The following PTPRU variants were observed in gnomAD, a reference collection of about 807,000 sequenced individuals.
PTPRU encodes protein tyrosine phosphatase receptor type U.
Under a neutral mutation model 166.3 loss-of-function variants are expected in PTPRU, and 69 were observed. That is an observed-to-expected ratio of 0.41 (90% confidence interval 0.34 to 0.51). PTPRU has a LOEUF of 0.51. Among genes scored for constraint, PTPRU ranks in the 20% least tolerant of loss-of-function variants. The probability of loss-of-function intolerance (pLI) is 0.09; values close to 1 mark genes in which losing one functional copy is unlikely to be tolerated. For synonymous variants in PTPRU, 793 were observed against 814.0 expected (o/e 0.97, Z 0.44); for missense variants, 1,657 against 2,013.7 (o/e 0.82, Z 3.39).
At chr1:29,292,268 C>T (rs1477522810) in intron 15 of PTPRU, among the ~76,000 whole-genome samples, 7 of 152,196 alleles carry the variant, frequency 4.6e-5, no homozygotes, top group African/African-American at 9.7e-5. Flanking sequence ...TTGTGACAGT[C>T]GTCAAGGAGG....
Position 29,282,664 on chromosome 1 carries a change from C to T in PTPRU, c.1869-12C>T, listed in dbSNP as rs1364738385. ...CGCCTGTGATCCCCTGTACGCTCTC[C>T]TCCCTGTCCAGTGTGTACCAGGTGA... is the stretch of plus-strand genomic sequence containing the variant. On this transcript the variant is annotated splice_polypyrimidine_tract_variant and intron_variant, in intron 11 of 29. Transcript: ENST00000373779. The T allele has an allele frequency of 6.2e-7, 1 of 1,609,972 alleles. No individual in the cohort carries two copies. Among genetic ancestry groups the T allele is most frequent in the South Asian group, 1.1e-5 (1 of 90,822 alleles).
intron 11 of PTPRU, among the ~76,000 whole-genome samples, chr1:29,281,492 G>A (rs780772670): frequency 3.3e-5 from 5 of 152,114 alleles, no homozygotes; most frequent in South Asian, 2.1e-4. Flanking sequence ...GGAGGGGAGC[G>A]GCAAGATGGC....
At position 29,256,151 on chromosome 1, in the gene PTPRU, A is replaced by C. The variant is rs116122795; in HGVS notation, c.205+745A>C. Among the ~76,000 whole-genome samples, 570 of 152,288 alleles carry C rather than the reference A, an allele frequency of 3.7e-3. 4 individuals carry two copies. The highest frequency in any genetic ancestry group is 0.013 in the African/African-American group (545 of 41,558). On this transcript the variant is annotated intron_variant, in intron 2 of 29. Coordinates refer to ENST00000373779, the MANE Select transcript of PTPRU (RefSeq NM_133178.4). ...GGACTCCATTTCAGAGGGTCATGAGATGATGCATATAAAGTACAGAGCACA... is the reference window on the plus strand; with the variant it reads ...GGACTCCATTTCAGAGGGTCATGAGCTGATGCATATAAAGTACAGAGCACA...
chr1:29,301,848 C>G (rs1687148742), intron 15 of PTPRU, among the ~76,000 whole-genome samples: 2 of 152,110 alleles, frequency 1.3e-5, no homozygotes, highest in Non-Finnish European at 2.9e-5. Flanking sequence ...GTTTTCTGTC[C>G]TTGCAACAGT....
At chr1:29,297,374 C>A (rs982489208) in intron 15 of PTPRU, among the ~76,000 whole-genome samples, 1 of 152,066 alleles carries the variant, frequency 6.6e-6, no homozygotes, top group African/African-American at 2.4e-5. Flanking sequence ...CTGTTATTAA[C>A]CCTTCAGCTT....
intron 28 of PTPRU, 94 bp from the exon 29 acceptor site, chr1:29,325,097 C>T (rs1557494863): frequency 2.0e-6 from 3 of 1,526,452 alleles, no homozygotes; most frequent in African/African-American, 2.7e-5. Flanking sequence ...TCCCTCTCCT[C>T]TAGGCTCTCT....
chr1:29,305,630 G>A (rs747894591), intron 18 of PTPRU: 1 of 754,196 alleles, frequency 1.3e-6, no homozygotes, highest in South Asian at 1.4e-5. Context: ...CTGTAGGTGG[G>A]AGTTGGCCTG....
At chr1:29,272,082 C>T (rs964040406) in intron 7 of PTPRU, among the ~76,000 whole-genome samples, 7 of 152,166 alleles carry the variant, frequency 4.6e-5, no homozygotes, top group East Asian at 3.8e-4. Context: ...AAGAATAACG[C>T]GAGGACCTCT....
At chr1:29,241,147 C>T (rs563965675) in intron 1 of PTPRU, among the ~76,000 whole-genome samples, 5 of 152,242 alleles carry the variant, frequency 3.3e-5, no homozygotes, top group African/African-American at 1.2e-4. Context: ...GGGAGGTAAC[C>T]AGCTGCTTTG....
intron 2 of PTPRU, among the ~76,000 whole-genome samples, chr1:29,256,457 T>C: frequency 6.6e-6 from 1 of 152,158 alleles, no homozygotes; most frequent in Non-Finnish European, 1.5e-5. Context: ...GCTCACGTCA[T>C]GGCTGAGATT....
chr1:29,244,193 G>C (rs376377054), intron 1 of PTPRU, among the ~76,000 whole-genome samples: 3 of 152,038 alleles, frequency 2.0e-5, no homozygotes, highest in African/African-American at 4.8e-5. Context: ...CTCAGCCCCC[G>C]GGGGCTCCCA....
chr1:29,299,732 G>A (rs575471054), intron 15 of PTPRU, among the ~76,000 whole-genome samples: 2 of 152,118 alleles, frequency 1.3e-5, no homozygotes, highest in Non-Finnish European at 2.9e-5. Flanking sequence ...AGCTCTCTGT[G>A]GAGCTGTCGG....
intron 21 of PTPRU, 50 bp from the exon 22 acceptor site, chr1:29,312,502 G>A: frequency 6.6e-7 from 1 of 1,515,370 alleles, no homozygotes; most frequent in Non-Finnish European, 9.0e-7. Flanking sequence ...GTGTCTAATG[G>A]TGACAGATGC....
chr1:29,286,541 A>G (rs1288828329), intron 14 of PTPRU, among the ~76,000 whole-genome samples: 1 of 152,108 alleles, frequency 6.6e-6, no homozygotes, highest in Non-Finnish European at 1.5e-5. Flanking sequence ...GTGCATAGGC[A>G]GTGCCCCCAG....
rs763319341 is a variant in PTPRU, at chr1:29,303,954, A to T, written c.2576A>T (p.Gln859Leu). The change falls in exon 16 of 30, where the codon CAG becomes CTG. Residue 859 changes from glutamine (Q) to leucine (L), a missense_variant. Gln to Leu is a moderately radical substitution (Grantham distance 113, BLOSUM62 -2). Transcript: ENST00000373779. The stretch of plus-strand genomic sequence containing the variant: ...AAGGGCTCCCCATACCACACGGGGC[A>T]GCTGCACCCTGCGGTGCGTGTCGCA... ...GRKGSPYHTG[Q>L]LHPAVRVADL... is the part of the protein sequence containing the mutation. 1.9e-6 allele frequency: 3 copies of T among 1,614,072 alleles called. No individual in the cohort carries two copies. The highest frequency in any genetic ancestry group is 2.5e-6 in the Non-Finnish European group (3 of 1,179,940).
Position 29,320,726 on chromosome 1 carries a change from G to A in PTPRU, c.3729G>A (p.Pro1243=), listed in dbSNP as rs770333090. The change falls in exon 26 of 30, where the codon CCG becomes CCA. Residue 1243 remains proline, a synonymous_variant. Coordinates refer to ENST00000373779, the MANE Select transcript of PTPRU (RefSeq NM_133178.4). The surrounding 1 kb of genome is among the most constrained non-coding windows in gnomAD (Gnocchi z 5.2). ...RSAAFIVTLH[P]LQSTTPDFWR... ...CGGCCTTCATCGTGACCCTGCACCC[G>A]CTGCAGAGCACCACGCCCGACTTCT... 3.7e-5 allele frequency: 60 copies of A among 1,606,652 alleles called. No homozygotes were observed. Among genetic ancestry groups the A allele is most frequent in the East Asian group, 4.5e-5 (2 of 44,608 alleles).
chr1:29,305,488 C>G (rs1687349873), intron 18 of PTPRU, 60 bp downstream of exon 18: 5 of 1,522,962 alleles, frequency 3.3e-6, no homozygotes, highest in Non-Finnish European at 4.5e-6. Context: ...GGCTTACTAT[C>G]CAGGCAGGGC....
At chr1:29,307,250 C>T in intron 18 of PTPRU, 1 of 1,426,486 alleles carries the variant, frequency 7.0e-7, no homozygotes, top group Non-Finnish European at 9.8e-7. Context: ...GTCTCTCTGT[C>T]TCTGTCCTTC....
intron 15 of PTPRU, among the ~76,000 whole-genome samples, chr1:29,297,551 G>A (rs1686948382): frequency 1.3e-5 from 2 of 152,216 alleles, no homozygotes; most frequent in South Asian, 4.1e-4. Flanking sequence ...CCGCAGAGAT[G>A]GGAAGGAAAG....
Sources: gnomAD v4.1 joint callset for allele counts (sites outside exome capture counted in the v4.1 genomes callset) on GRCh38, gnomAD v4.1.1 for gene constraint, Gnocchi (gnomAD v3.1) non-coding constraint, MANE v1.5 for transcripts, NCBI Gene and HGNC (gene_info 2026-07-23, HGNC 2026-07-21) for gene names.